The following TAF4B variants were observed in gnomAD, a reference collection of about 807,000 sequenced individuals.
The protein encoded by TAF4B is transcription initiation factor TFIID subunit 4B.
TAF4B carries 38 observed loss-of-function variants against 86.4 expected under a neutral mutation model. The observed-to-expected ratio is 0.44, with a 90% CI of 0.34 to 0.58. The LOEUF is 0.58. Ranked by LOEUF, TAF4B falls within the 20% of genes least tolerant of loss-of-function variation. TAF4B has a pLI of 0.02. For synonymous variants in TAF4B, 388 were observed against 391.2 expected (o/e 0.99, Z 0.10); for missense variants, 988 against 1,027.6 (o/e 0.96, Z 0.53).
At chr18:26,307,646 T>C (rs1260564329) in intron 9 of TAF4B, among the ~76,000 whole-genome samples, 1 of 152,146 alleles carries the variant, frequency 6.6e-6, no homozygotes, top group South Asian at 2.1e-4. Context: ...TTTTATTACT[T>C]TAAAAAGACA....
chr18:26,341,246 T>G (rs1461740594), intron 13 of TAF4B, among the ~76,000 whole-genome samples: 1 of 152,116 alleles, frequency 6.6e-6, no homozygotes, highest in African/African-American at 2.4e-5. Context: ...GCTTATAAGA[T>G]TGTCATAATT....
rs1567914162 is a variant in TAF4B, at chr18:26,346,875, GTGTATA to G, written c.2317-10813_2317-10808del. Among the ~76,000 whole-genome samples, 14 of 5,140 alleles carry G rather than the reference GTGTATA, an allele frequency of 2.7e-3. 3 individuals carry two copies. The highest frequency in any genetic ancestry group is 6.9e-3 in the Non-Finnish European group (10 of 1,442). The allele number at this position is 5,140 out of a possible 152,430, so 3.4% of individuals were successfully genotyped here. On this transcript the variant is annotated intron_variant, in intron 13 of 14. Coordinates refer to ENST00000269142, the MANE Select transcript of TAF4B (RefSeq NM_005640.3). ...TATATATATGTGTATATATATATAT[GTGTATA>G]TATATATATATATATATATGTGTGT...
At chr18:26,293,777 C>A (rs755970248) in intron 9 of TAF4B, among the ~76,000 whole-genome samples, 1 of 152,126 alleles carries the variant, frequency 6.6e-6, no homozygotes, top group East Asian at 1.9e-4. Context: ...ATATTCATCA[C>A]CTTTATGCAC....
intron 9 of TAF4B, 122 bp from the exon 10 acceptor site, chr18:26,315,107 T>TCG (rs2056889390): frequency 4.9e-6 from 1 of 205,836 alleles, no homozygotes; most frequent in East Asian, 7.5e-5. Flanking sequence ...TCTCTCTCTC[T>TCG]CTCTCTCTCT....
chr18:26,237,847 G>GT (rs1051537410), intron 1 of TAF4B, among the ~76,000 whole-genome samples: 2 of 152,100 alleles, frequency 1.3e-5, no homozygotes, highest in South Asian at 2.1e-4. Flanking sequence ...TCTTTTTCAG[G>GT]TTTTTTGGGT....
intron 1 of TAF4B, among the ~76,000 whole-genome samples, chr18:26,241,352 A>AT (rs1045026301): frequency 2.6e-4 from 40 of 152,216 alleles, no homozygotes; most frequent in Admixed American, 2.3e-3. Context: ...TTTCTTCTAG[A>AT]TTTTTTAGTT....
At position 26,274,687 on chromosome 18, in the gene TAF4B, G is replaced by T. The variant is rs374415992; in HGVS notation, c.622G>T (p.Val208Phe). 2.5e-6 allele frequency: 4 copies of T among 1,613,922 alleles called. No homozygotes were observed. The highest frequency in any genetic ancestry group is 3.4e-6 in the Non-Finnish European group (4 of 1,180,000). Residue 208 changes from valine to phenylalanine, a missense_variant, in exon 4 of 15, where the codon GTC becomes TTC. Transcript: ENST00000269142. The stretch of plus-strand genomic sequence containing the variant: ...GTCTGTGGCTGTGCCAACCAGTGTC[G>T]TCACAGTTACTCCTGGAAAGCCATT... The part of the protein sequence containing the change: ...VQSVAVPTSV[V>F]TVTPGKPLNT...
At chr18:26,314,208 C>T (rs1196514374) in intron 9 of TAF4B, among the ~76,000 whole-genome samples, 1 of 152,126 alleles carries the variant, frequency 6.6e-6, no homozygotes, top group Non-Finnish European at 1.5e-5. Context: ...AGAGAAACAA[C>T]ATCTTTTTAT....
chr18:26,272,374 G>A (rs1267062403), intron 3 of TAF4B, among the ~76,000 whole-genome samples: 1 of 152,126 alleles, frequency 6.6e-6, no homozygotes, highest in Non-Finnish European at 1.5e-5. Flanking sequence ...CTCTATTCCT[G>A]ACAGGCCACA....
chr18:26,369,433 T>TAA (rs1191035957), intron 14 of TAF4B, among the ~76,000 whole-genome samples: 1 of 152,234 alleles, frequency 6.6e-6, no homozygotes, highest in African/African-American at 2.4e-5. Flanking sequence ...GATGGTGTGC[T>TAA]GGACTTGTAT....
In TAF4B at chr18:26,350,885, G is replaced by A. The variant is rs1037915919; in HGVS notation, c.2317-6805G>A. On this transcript the variant is annotated intron_variant, in intron 13 of 14. Coordinates refer to ENST00000269142, the MANE Select transcript of TAF4B (RefSeq NM_005640.3). ...AAGACAAAAAATGAGTAATGTTATC[G>A]AGGATTCAGGGAAAATGGAATTCTT... 4.6e-5 allele frequency among the ~76,000 whole-genome samples: 7 copies of A among 152,072 alleles called. No individual in the cohort carries two copies. In the East Asian group the frequency reaches 7.7e-4, roughly 17 times the overall value.
intron 14 of TAF4B, among the ~76,000 whole-genome samples, chr18:26,379,253 T>C (rs1567930939): frequency 6.6e-6 from 1 of 152,132 alleles, no homozygotes; most frequent in African/African-American, 2.4e-5. Flanking sequence ...AATTAGTACT[T>C]GCTGTATCCT....
chr18:26,238,473 A>T (rs2144449892), intron 1 of TAF4B, among the ~76,000 whole-genome samples: 1 of 150,218 alleles, frequency 6.7e-6, no homozygotes, highest in Non-Finnish European at 1.5e-5. Flanking sequence ...CCCACTCTGC[A>T]GTCGGGCTTT....
intron 13 of TAF4B, among the ~76,000 whole-genome samples, chr18:26,355,889 T>C (rs1375815703): frequency 6.6e-6 from 1 of 152,198 alleles, no homozygotes; most frequent in African/African-American, 2.4e-5. Flanking sequence ...ACAAGAGATA[T>C]TTTATAACTT....
Position 26,327,152 on chromosome 18 carries a change from T to A in TAF4B, c.2259+12T>A. The A allele has an allele frequency of 1.2e-6, 2 of 1,608,280 alleles. No homozygotes were observed. On this transcript the variant is annotated intron_variant, in intron 12 of 14. Transcript: ENST00000269142. The stretch of plus-strand genomic sequence containing the variant: ...TTAAGGCAGCCAAGGTAAGGGCCAG[T>A]GTGATTTATGAGTGAATGTGGCCTG...
At chr18:26,319,748 A>G (rs1285030741) in intron 10 of TAF4B, among the ~76,000 whole-genome samples, 1 of 151,828 alleles carries the variant, frequency 6.6e-6, no homozygotes, top group African/African-American at 2.4e-5. Flanking sequence ...CACCACCACG[A>G]CCAGCTATTT....
At chr18:26,359,808 T>C (rs947225804) in intron 14 of TAF4B, among the ~76,000 whole-genome samples, 3 of 152,030 alleles carry the variant, frequency 2.0e-5, no homozygotes, top group African/African-American at 7.2e-5. Flanking sequence ...CTCAACTTCC[T>C]GGGCTCAAGC....
intron 1 of TAF4B, among the ~76,000 whole-genome samples, chr18:26,244,493 T>C (rs528826039): frequency 3.7e-4 from 57 of 152,298 alleles, no homozygotes; most frequent in Non-Finnish European, 6.0e-4. Flanking sequence ...CCTTGGCTAG[T>C]AAAGGCAATT....
At chr18:26,378,579 T>C (rs1482665961) in intron 14 of TAF4B, among the ~76,000 whole-genome samples, 1 of 152,198 alleles carries the variant, frequency 6.6e-6, no homozygotes. Context: ...AAATTAACTT[T>C]GCATTTGCTT....
Sources: allele counts gnomAD v4.1 joint callset (sites outside exome capture counted in the v4.1 genomes callset), GRCh38; gene constraint gnomAD v4.1.1; transcripts MANE v1.5; gene names NCBI Gene and HGNC (gene_info 2026-07-23, HGNC 2026-07-21).